The following RIC8B variants were observed in gnomAD, a reference collection of about 807,000 sequenced individuals.
RIC8B encodes the protein chaperone Ric-8B.
In RIC8B, 16 loss-of-function variants were observed where a neutral mutation model predicts 57.5. That is an observed-to-expected ratio of 0.28 (90% CI 0.19 to 0.42). The LOEUF (loss-of-function observed/expected upper bound fraction) is 0.42. RIC8B is among the 10% of genes least tolerant of loss of function. RIC8B has a pLI of 1.00. For missense variants in RIC8B, 481 were observed against 677.0 expected (o/e 0.71, Z 3.21); for synonymous variants, 216 against 250.8 (o/e 0.86, Z 1.31).
intron 8 of RIC8B, among the ~76,000 whole-genome samples, chr12:106,861,662 C>G (rs1236058746): frequency 1.3e-5 from 2 of 152,092 alleles, no homozygotes; most frequent in Non-Finnish European, 2.9e-5. Flanking sequence ...CTGCTTCTTT[C>G]TTTCCCGAAT....
At chr12:106,777,535 G>A (rs191722353) in intron 1 of RIC8B, among the ~76,000 whole-genome samples, 23 of 152,222 alleles carry the variant, frequency 1.5e-4, no homozygotes, top group East Asian at 1.9e-4. Flanking sequence ...GAGAGAGACC[G>A]GTTCGTTATT....
At chr12:106,802,845 TCC>T (rs2044798912) in intron 2 of RIC8B, among the ~76,000 whole-genome samples, 1 of 152,040 alleles carries the variant, frequency 6.6e-6, no homozygotes, top group East Asian at 1.9e-4. Flanking sequence ...AATCCTCTTG[TCC>T]TGAGTATGTT....
chr12:106,866,167 AGTTTTTGTTTTTTTGTTTTTTGGTCT>A (rs1315611017), intron 8 of RIC8B, among the ~76,000 whole-genome samples: 2 of 151,322 alleles, frequency 1.3e-5, no homozygotes, highest in African/African-American at 4.9e-5. Flanking sequence ...AGGGAAGAGG[AGTTTTTGTTTTTTTGTTTTTTGGTCT>A]GTTTTTGTTC....
At position 106,851,315 on chromosome 12, in the gene RIC8B, C is replaced by CAT. The variant is rs1555260083; in HGVS notation, c.1162-135_1162-134insAT. ...TGTTTAGTTTTACTTGGAAGCTAAC[C>CAT]TTTTTTTTTTTTTTTTTTTTTGCTC... On this transcript the variant is annotated intron_variant, in intron 6 of 9. Coordinates refer to ENST00000392837, the MANE Select transcript of RIC8B (RefSeq NM_001330145.2). 63 of 212,026 alleles carry CAT rather than the reference C, an allele frequency of 3.0e-4. No homozygotes were observed. The East Asian group carries it at 5.4e-3, about 18-fold the overall frequency. 13.1% of individuals were successfully genotyped at this position (212,026 alleles called of 1,614,324 possible). A position where few individuals can be genotyped will look rare whatever the true frequency, so the allele number is the denominator to read the frequency against.
intron 4 of RIC8B, among the ~76,000 whole-genome samples, chr12:106,827,451 A>C (rs2046157440): frequency 6.6e-6 from 1 of 152,242 alleles, no homozygotes; most frequent in Non-Finnish European, 1.5e-5. Context: ...CTATAGAAAC[A>C]CAGCCACAGT....
At chr12:106,816,586 T>C (rs948879283) in intron 3 of RIC8B, among the ~76,000 whole-genome samples, 33 of 152,222 alleles carry the variant, frequency 2.2e-4, no homozygotes, top group African/African-American at 8.0e-4. Context: ...GTTTTGGGGT[T>C]TTTAAGTTCT....
Position 106,860,424 on chromosome 12 carries a change from A to C in RIC8B, c.1451+12A>C. On this transcript the variant is annotated intron_variant, in intron 8 of 9. Coordinates refer to ENST00000392837, the MANE Select transcript of RIC8B (RefSeq NM_001330145.2). ...AATGCAAAACCAAAGTATAGTATCA[A>C]ATTTCTTTTCACCTAACTATGGCTG... is the stretch of plus-strand genomic sequence containing the variant. 1 of 1,526,590 alleles carries C rather than the reference A, an allele frequency of 6.6e-7. No individual in the cohort carries two copies. The highest frequency in any genetic ancestry group is 8.8e-7 in the Non-Finnish European group (1 of 1,135,298). 94.6% of individuals were successfully genotyped at this position (1,526,590 alleles called of 1,614,324 possible). A position where few individuals can be genotyped will look rare whatever the true frequency, so the allele number is the denominator to read the frequency against.
intron 4 of RIC8B, among the ~76,000 whole-genome samples, chr12:106,839,848 T>A (rs958657314): frequency 3.9e-5 from 6 of 152,162 alleles, no homozygotes; most frequent in Non-Finnish European, 8.8e-5. Flanking sequence ...AGACCTTGTC[T>A]CTACTAAAAA....
chr12:106,869,187 G>A (rs920898421), intron 8 of RIC8B, among the ~76,000 whole-genome samples: 5 of 152,146 alleles, frequency 3.3e-5, no homozygotes, highest in Admixed American at 6.5e-5. Flanking sequence ...GGCAAGATAG[G>A]TTTTGAATCA....
At chr12:106,787,581 G>A (rs1443041256) in intron 2 of RIC8B, among the ~76,000 whole-genome samples, 2 of 152,112 alleles carry the variant, frequency 1.3e-5, no homozygotes, top group African/African-American at 2.4e-5. Flanking sequence ...AGAATTGCAC[G>A]TGGCTGGGGA....
chr12:106,774,991 C>T (rs2043384474), intron 1 of RIC8B, 162 bp downstream of exon 1: 2 of 606,878 alleles, frequency 3.3e-6, no homozygotes, highest in South Asian at 2.0e-5. Flanking sequence ...CCAGCCTTTT[C>T]CATCCATGCA....
chr12:106,844,230 A>G (rs988511770), intron 6 of RIC8B, among the ~76,000 whole-genome samples: 4 of 152,184 alleles, frequency 2.6e-5, no homozygotes, highest in Non-Finnish European at 5.9e-5. Context: ...AAAGTAAACA[A>G]ATTTAAAATA....
chr12:106,851,648 A>T, intron 7 of RIC8B, 54 bp downstream of exon 7: 1 of 1,482,842 alleles, frequency 6.7e-7, no homozygotes, highest in Non-Finnish European at 9.3e-7. Flanking sequence ...GACTTTGAGA[A>T]ATTTAATTGA....
In RIC8B at chr12:106,870,566, C is replaced by A. The variant is rs192972183; in HGVS notation, c.1452-257C>A. On this transcript the variant is annotated intron_variant, in intron 8 of 9. Transcript: ENST00000392837. Reference sequence around the variant, plus strand: ...CAAATTTTGTATTTTTAAAAAGCAACCATGCCTCTAAAAAAAAAAAAAGTT... The same window carrying A: ...CAAATTTTGTATTTTTAAAAAGCAAACATGCCTCTAAAAAAAAAAAAAGTT... Among the ~76,000 whole-genome samples the A allele has an allele frequency of 3.3e-3, 495 of 151,260 alleles. 1 individual carries two copies. The highest frequency in any genetic ancestry group is 6.4e-3 in the African/African-American group (262 of 41,234).
At chr12:106,845,795 C>T (rs1949161357) in intron 6 of RIC8B, among the ~76,000 whole-genome samples, 1 of 152,310 alleles carries the variant, frequency 6.6e-6, no homozygotes, top group East Asian at 1.9e-4. Context: ...CCTAAACCCT[C>T]TGTAGGCTAC....
At chr12:106,826,704 A>C (rs1272753283) in intron 4 of RIC8B, among the ~76,000 whole-genome samples, 3 of 152,232 alleles carry the variant, frequency 2.0e-5, no homozygotes, top group African/African-American at 4.8e-5. Flanking sequence ...GCAGTGAGCC[A>C]AGGTCGCACC....
intron 4 of RIC8B, among the ~76,000 whole-genome samples, chr12:106,826,535 C>T (rs1279438087): frequency 1.3e-5 from 2 of 152,300 alleles, no homozygotes; most frequent in Non-Finnish European, 1.5e-5. Flanking sequence ...CGGTGGATCA[C>T]TTGAGGACAG....
chr12:106,792,893 T>C (rs2044319263), intron 2 of RIC8B, among the ~76,000 whole-genome samples: 1 of 152,354 alleles, frequency 6.6e-6, no homozygotes, highest in East Asian at 1.9e-4. Flanking sequence ...GAGATAGAAC[T>C]CTTCTCCAAA....
In RIC8B at chr12:106,867,702, G is replaced by A. The variant is rs1950197795; in HGVS notation, c.1452-3121G>A. Among the ~76,000 whole-genome samples the A allele has an allele frequency of 6.6e-6, 1 of 152,124 alleles. No homozygotes were observed. The highest frequency in any genetic ancestry group is 1.5e-5 in the Non-Finnish European group (1 of 68,028). Reference sequence around the variant, plus strand: ...CTACATGAGACTCTGGTTTGAAGTGGGGAGCGGGAGAAGAGACAGTGTTCA... The same window carrying A: ...CTACATGAGACTCTGGTTTGAAGTGAGGAGCGGGAGAAGAGACAGTGTTCA... On this transcript the variant is annotated intron_variant, in intron 8 of 9. Coordinates refer to ENST00000392837, the MANE Select transcript of RIC8B (RefSeq NM_001330145.2). This position sits in a 1 kb window ranked among gnomAD's most constrained non-coding sequence, Gnocchi z 4.3.
Sources: gnomAD v4.1 joint callset for allele counts (sites outside exome capture counted in the v4.1 genomes callset) on GRCh38, gnomAD v4.1.1 for gene constraint, Gnocchi (gnomAD v3.1) non-coding constraint, MANE v1.5 for transcripts, NCBI Gene and HGNC (gene_info 2026-07-23, HGNC 2026-07-21) for gene names.